GABRG3: variants seen among roughly 807,000 people sequenced by gnomAD.
GABRG3 encodes the protein gamma-aminobutyric acid receptor subunit gamma-3.
GABRG3 carries 25 observed loss-of-function variants against 48.8 expected under a neutral mutation model. The observed-to-expected ratio is 0.51, with a 90% CI of 0.37 to 0.72. The LOEUF is 0.72. GABRG3 is among the 30% of genes least tolerant of loss of function. GABRG3 has a pLI of 0.00. For synonymous variants in GABRG3, 227 were observed against 217.6 expected (o/e 1.04, Z -0.38); for missense variants, 394 against 577.9 (o/e 0.68, Z 3.26).
chr15:27,426,043 A>G (rs111749010), intron 5 of GABRG3, among the ~76,000 whole-genome samples: 8 of 152,308 alleles, frequency 5.3e-5, no homozygotes, highest in African/African-American at 1.7e-4. Flanking sequence ...GTTTGCACCA[A>G]TTTGAATACT....
intron 5 of GABRG3, among the ~76,000 whole-genome samples, chr15:27,339,074 G>A (rs1225356727): frequency 6.6e-6 from 1 of 152,154 alleles, no homozygotes; most frequent in Non-Finnish European, 1.5e-5. Flanking sequence ...GGAGCATACT[G>A]CTCCTTTAGG....
intron 5 of GABRG3, among the ~76,000 whole-genome samples, chr15:27,378,769 G>T (rs752299782): frequency 6.6e-5 from 10 of 152,106 alleles, no homozygotes; most frequent in Non-Finnish European, 1.5e-4. Context: ...ATTTCATTTC[G>T]CTGGAAAATT....
intron 3 of GABRG3, among the ~76,000 whole-genome samples, chr15:27,249,378 C>T (rs952421529): frequency 1.3e-5 from 2 of 152,174 alleles, no homozygotes; most frequent in African/African-American, 2.4e-5. Context: ...CCTTCCAGGT[C>T]GGGGGCCCCC....
chr15:27,282,750 A>C (rs1891477670), intron 3 of GABRG3, among the ~76,000 whole-genome samples: 1 of 152,056 alleles, frequency 6.6e-6, no homozygotes, highest in Admixed American at 6.5e-5. Context: ...TTTTCCATTC[A>C]AGTTGAGATA....
intron 3 of GABRG3, among the ~76,000 whole-genome samples, chr15:27,300,304 C>G (rs991938846): frequency 5.3e-5 from 8 of 152,130 alleles, no homozygotes; most frequent in African/African-American, 1.9e-4. Context: ...ACAGACTCAA[C>G]AGACACCCAT....
intron 3 of GABRG3, among the ~76,000 whole-genome samples, chr15:27,159,437 G>A (rs1898518839): frequency 6.6e-6 from 1 of 151,714 alleles, no homozygotes. Context: ...ATCCGAGATT[G>A]CGCCACTGCA....
chr15:27,493,505 T>C (rs1890407754), intron 6 of GABRG3, among the ~76,000 whole-genome samples: 1 of 152,180 alleles, frequency 6.6e-6, no homozygotes, highest in Non-Finnish European at 1.5e-5. Flanking sequence ...GGGATTTTTC[T>C]GGATTCTATT....
chr15:27,170,575 A>G (rs991200093), intron 3 of GABRG3, among the ~76,000 whole-genome samples: 1 of 152,204 alleles, frequency 6.6e-6, no homozygotes, highest in Non-Finnish European at 1.5e-5. Flanking sequence ...GAGAAGAAAA[A>G]GCAGGATGAA....
chr15:27,482,311 C>T (rs929179080), intron 6 of GABRG3, among the ~76,000 whole-genome samples: 2 of 152,288 alleles, frequency 1.3e-5, no homozygotes, highest in African/African-American at 4.8e-5. Flanking sequence ...ACGCTCGGGA[C>T]GGACGCATGG....
intron 3 of GABRG3, among the ~76,000 whole-genome samples, chr15:27,275,384 A>G (rs889062044): frequency 6.6e-6 from 1 of 152,240 alleles, no homozygotes. Flanking sequence ...GCTTTCATAT[A>G]GCAAATACTT....
At chr15:27,410,505 G>A (rs1887762964) in intron 5 of GABRG3, among the ~76,000 whole-genome samples, 1 of 152,146 alleles carries the variant, frequency 6.6e-6, no homozygotes, top group Non-Finnish European at 1.5e-5. Flanking sequence ...AGAGCATGAA[G>A]CCTTCTTTTC....
chr15:27,490,974 G>T (rs1239902494), intron 6 of GABRG3, among the ~76,000 whole-genome samples: 1 of 145,584 alleles, frequency 6.9e-6, no homozygotes, highest in Admixed American at 7.3e-5. Context: ...ATACTACATT[G>T]GACTTAGTAG....
intron 5 of GABRG3, chr15:27,340,971 G>C: frequency 2.0e-6 from 1 of 508,438 alleles, no homozygotes. Flanking sequence ...TTTTGTTTTG[G>C]GGTGTGTTTT....
rs1256909089 is a variant in GABRG3 at position 26,976,209 on chromosome 15, G to C, written c.54-793G>C. ...CAGTGTGTGTCACACGGGAGAGGAGGCTGTCCAGCTCCTCCCTGCACAAAA... is the reference window on the plus strand; with the variant it reads ...CAGTGTGTGTCACACGGGAGAGGAGCCTGTCCAGCTCCTCCCTGCACAAAA... On this transcript the variant is annotated intron_variant, in intron 1 of 9. Coordinates refer to ENST00000615808, the MANE Select transcript of GABRG3 (RefSeq NM_033223.5). This position sits in a 1 kb window ranked among gnomAD's most constrained non-coding sequence, Gnocchi z 7.8. Among the ~76,000 whole-genome samples the C allele has an allele frequency of 1.3e-5, 2 of 152,058 alleles. No individual in the cohort carries two copies. The highest frequency in any genetic ancestry group is 2.9e-5 in the Non-Finnish European group (2 of 68,032).
At chr15:27,306,609 A>G (rs1253156948) in intron 3 of GABRG3, among the ~76,000 whole-genome samples, 3 of 129,188 alleles carry the variant, frequency 2.3e-5, no homozygotes, top group African/African-American at 6.0e-5. Context: ...ATATGTTTAT[A>G]TATAAACATA....
chr15:27,461,370 C>T (rs1302014929), intron 5 of GABRG3, among the ~76,000 whole-genome samples: 2 of 152,144 alleles, frequency 1.3e-5, no homozygotes, highest in Admixed American at 6.5e-5. Context: ...TGCTGCATTC[C>T]GTGCCATTGT....
chr15:27,128,714 G>A (rs989470262), intron 3 of GABRG3, among the ~76,000 whole-genome samples: 4 of 152,210 alleles, frequency 2.6e-5, no homozygotes, highest in Non-Finnish European at 5.9e-5. Flanking sequence ...AGAAAGCCGA[G>A]TCCAGAACTG....
At chr15:27,223,781 CAGTG>C (rs1477733687) in intron 3 of GABRG3, among the ~76,000 whole-genome samples, 1 of 152,218 alleles carries the variant, frequency 6.6e-6, no homozygotes, top group Admixed American at 6.5e-5. Context: ...CAGGTGAACC[CAGTG>C]AGTGCTGCCC....
At chr15:27,441,150 C>T (rs769738597) in intron 5 of GABRG3, among the ~76,000 whole-genome samples, 6 of 152,156 alleles carry the variant, frequency 3.9e-5, no homozygotes, top group Non-Finnish European at 4.4e-5. Context: ...TCTAATTTGT[C>T]TTGAGCATTT....
Sources: allele counts gnomAD v4.1 joint callset (sites outside exome capture counted in the v4.1 genomes callset), GRCh38; gene constraint gnomAD v4.1.1; non-coding constraint Gnocchi (gnomAD v3.1); transcripts MANE v1.5; gene names NCBI Gene and HGNC (gene_info 2026-07-23, HGNC 2026-07-21).